Variants in SHF observed in about 807,000 individuals in gnomAD.
SHF encodes SH2 domain-containing adapter protein F.
A neutral mutation model predicts 42.4 loss-of-function variants in SHF; 30 were observed. The ratio of observed to expected loss-of-function variants is 0.71; its 90% CI spans 0.53 to 0.96. The LOEUF is 0.96. SHF is among the 40% of genes least tolerant of loss of function. The probability of loss-of-function intolerance (pLI) is 0.00; values close to 1 mark genes in which losing one functional copy is unlikely to be tolerated. For missense variants in SHF, 598 were observed against 634.0 expected (o/e 0.94, Z 0.61); for synonymous variants, 264 against 269.9 (o/e 0.98, Z 0.21).
At chr15:45,184,357 A>G (rs369514423) in intron 1 of SHF, among the ~76,000 whole-genome samples, 1 of 152,174 alleles carries the variant, frequency 6.6e-6, no homozygotes, top group East Asian at 1.9e-4. Context: ...AAGTACATCT[A>G]TTTTTTAAAG....
chr15:45,196,234 C>T (rs899589722), intron 2 of SHF, among the ~76,000 whole-genome samples: 2 of 151,860 alleles, frequency 1.3e-5, no homozygotes, highest in Admixed American at 6.6e-5. Context: ...ACAGGGACTA[C>T]AGGGGCATGC....
chr15:45,177,969 A>G (rs1897911452), intron 2 of SHF, among the ~76,000 whole-genome samples, 196 bp downstream of exon 2: 1 of 151,956 alleles, frequency 6.6e-6, no homozygotes, highest in Admixed American at 6.5e-5. Flanking sequence ...CTCCTATACC[A>G]CTTCAGGTCT....
At chr15:45,200,908 C>A (rs768805677) in exon 1 of SHF, 1 of 454,522 alleles carries the variant, frequency 2.2e-6, no homozygotes. Flanking sequence ...ATTGCAGGCC[C>A]GGCCTCATAG....
In SHF at chr15:45,187,470, G is replaced by A. The variant is rs1372890389; in HGVS notation, c.482C>T (p.Pro161Leu). 5 of 1,232,472 alleles carry A rather than the reference G, an allele frequency of 4.1e-6. No individual in the cohort carries two copies. In the Admixed American group the frequency reaches 1.3e-4, roughly 31 times the overall value. 76.3% of individuals were successfully genotyped at this position (1,232,472 alleles called of 1,614,324 possible). A position where few individuals can be genotyped will look rare whatever the true frequency, so the allele number is the denominator to read the frequency against. Residue 161 changes from proline (P) to leucine (L), a missense_variant, in exon 1 of 7, where the codon CCC becomes CTC. Pro to Leu is a moderately conservative substitution (Grantham distance 98, BLOSUM62 -3). Transcript: ENST00000690270. ...PPADERISGP[P>L]ASSDRLAILE... ...GGCACTCACCCTATCGCTGCTGGCG[G>A]GGGGTCCGGAGATCCGCTCATCAGC...
In SHF at chr15:45,172,177, G is replaced by A. The variant is rs926317892; in HGVS notation, c.1130C>T (p.Thr377Ile). 6.2e-7 allele frequency: 1 copy of A among 1,613,784 alleles called. No homozygotes were observed. The highest frequency in any genetic ancestry group is 1.3e-5 in the African/African-American group (1 of 74,894). Residue 377 changes from threonine to isoleucine, a missense_variant, in exon 5 of 7, where the codon ACA becomes ATA. This residue lies in a region of SHF where 439 missense variants were observed against 524.6 expected (regional missense o/e 0.84). Coordinates refer to ENST00000690270, the MANE Select transcript of SHF (RefSeq NM_001394037.1). ...GTTTTCCAGAGGCAGTGCTGGATCTGTCCACTCCCCCAGGGGGCTGCTGGG... is the reference window on the plus strand; with the variant it reads ...GTTTTCCAGAGGCAGTGCTGGATCTATCCACTCCCCCAGGGGGCTGCTGGG... ...MEPSSPLGEWTDPALPLENQV... is the reference protein window; with the variant it reads ...MEPSSPLGEWIDPALPLENQV...
chr15:45,189,936 G>T (rs540864674), upstream of SHF, among the ~76,000 whole-genome samples: 26 of 152,306 alleles, frequency 1.7e-4, no homozygotes, highest in African/African-American at 5.3e-4. Context: ...GAAGTTCAAG[G>T]CTGCAGCGAG....
chr15:45,176,355 T>G (rs968677517), intron 2 of SHF, among the ~76,000 whole-genome samples: 2 of 150,046 alleles, frequency 1.3e-5, no homozygotes, highest in Non-Finnish European at 3.0e-5. Context: ...TCTCGAATGC[T>G]AATATCTGAC....
chr15:45,176,431 C>T (rs1897810790), intron 2 of SHF, among the ~76,000 whole-genome samples: 1 of 151,422 alleles, frequency 6.6e-6, no homozygotes, highest in African/African-American at 2.4e-5. Flanking sequence ...TCCAAAATGA[C>T]TATTGGAAAG....
exon 2 of SHF, chr15:45,198,959 C>T (rs756267269): frequency 3.1e-6 from 5 of 1,613,796 alleles, no homozygotes; most frequent in Non-Finnish European, 4.2e-6. Flanking sequence ...CTGGGCGGAA[C>T]TCAGACTACC....
chr15:45,198,226 A>C (rs1020081339), intron 2 of SHF, among the ~76,000 whole-genome samples: 2 of 152,266 alleles, frequency 1.3e-5, no homozygotes, highest in South Asian at 4.2e-4. Context: ...GTGAACCAAG[A>C]TCGCGCCATT....
At chr15:45,187,362 G>A in intron 1 of SHF, 92 bp downstream of exon 1, 1 of 1,180,110 alleles carries the variant, frequency 8.5e-7, no homozygotes, top group Non-Finnish European at 1.1e-6. Flanking sequence ...AGACACCGAG[G>A]GGCCCGGGCC....
chr15:45,191,436 C>T (rs967538460), upstream of SHF, among the ~76,000 whole-genome samples: 3 of 152,214 alleles, frequency 2.0e-5, no homozygotes, highest in East Asian at 5.8e-4. Context: ...GATCCTCCCG[C>T]TTGGGCCTCC....
chr15:45,172,425 T>A, intron 4 of SHF, 107 bp from the exon 5 acceptor site: 1 of 1,250,548 alleles, frequency 8.0e-7, no homozygotes, highest in Non-Finnish European at 1.1e-6. Flanking sequence ...CCAGAAAGGA[T>A]CAAAGGAATG....
rs2141422353 is a variant in SHF at position 45,187,534 on chromosome 15, G to A, written c.418C>T (p.Leu140Phe). The change falls in exon 1 of 7, where the codon CTT (leucine) becomes TTT (phenylalanine). Residue 140 changes from leucine to phenylalanine, a missense_variant. This residue lies in a region of SHF where 439 missense variants were observed against 524.6 expected (regional missense o/e 0.84). Transcript: ENST00000690270. ...GGCCCCGGGGTCTCGACCCGAATAA[G>A]GCGGTGTGGGGGAGAGCCGTGGCGC... The part of the protein sequence containing the change: ...PPRHGSPPHR[L>F]IRVETPGPPA... The A allele has an allele frequency of 8.1e-7, 1 of 1,230,430 alleles. No homozygotes were observed. The highest frequency in any genetic ancestry group is 1.6e-5 in the African/African-American group (1 of 64,484). 76.2% of individuals were successfully genotyped at this position (1,230,430 alleles called of 1,614,324 possible).
chr15:45,173,827 A>C, intron 3 of SHF, 111 bp from the exon 4 acceptor site: 1 of 1,273,704 alleles, frequency 7.9e-7, no homozygotes. Context: ...CCTAGAAATG[A>C]GGAGGGGCAG....
At chr15:45,193,118 G>A (rs58547297) in intron 2 of SHF, among the ~76,000 whole-genome samples, 15,734 of 152,238 alleles carry the variant, frequency 0.1, 850 homozygotes, top group Middle Eastern at 0.22. Context: ...CCCCCACATT[G>A]ATGATCTATA....
At chr15:45,173,740 AAG>A (rs747483854) in intron 3 of SHF, 24 bp from the exon 4 acceptor site, 1 of 1,551,448 alleles carries the variant, frequency 6.4e-7, no homozygotes. Flanking sequence ...CAGAAGTGAG[AAG>A]AGAGACAGAC....
intron 3 of SHF, chr15:45,174,191 G>GT (rs973035623): frequency 1.6e-5 from 3 of 189,958 alleles, no homozygotes; most frequent in Non-Finnish European, 3.3e-5. Flanking sequence ...CTCGCCTCAG[G>GT]TTGTCAGGAT....
intron 2 of SHF, among the ~76,000 whole-genome samples, chr15:45,194,179 T>A (rs186956555): frequency 4.7e-4 from 71 of 151,872 alleles, no homozygotes; most frequent in African/African-American, 1.7e-3. Flanking sequence ...CTGGCATTCT[T>A]CTGTAAAGGA....
Sources: gnomAD v4.1 joint callset for allele counts (sites outside exome capture counted in the v4.1 genomes callset) on GRCh38, gnomAD v4.1.1 for gene constraint, gnomAD v4.1.1 regional missense constraint, MANE v1.5 for transcripts, NCBI Gene and HGNC (gene_info 2026-07-23, HGNC 2026-07-21) for gene names.